The following GRM5 variants were observed in gnomAD, a reference collection of about 807,000 sequenced individuals.
GRM5 encodes the protein metabotropic glutamate receptor 5.
Under a neutral mutation model 83.1 loss-of-function variants are expected in GRM5, and 19 were observed. The ratio of observed to expected loss-of-function variants is 0.23; its 90% confidence interval spans 0.16 to 0.34. GRM5 has a LOEUF of 0.34. Among genes scored for constraint, GRM5 ranks in the 10% least tolerant of loss-of-function variants. The pLI is 1.00. For missense variants in GRM5, 1,160 were observed against 1,588.3 expected (o/e 0.73, Z 4.58); for synonymous variants, 675 against 633.6 (o/e 1.07, Z -0.98).
chr11:88,800,756 T>C (rs1943376162), intron 3 of GRM5, among the ~76,000 whole-genome samples: 1 of 152,116 alleles, frequency 6.6e-6, no homozygotes, highest in Admixed American at 6.6e-5. Context: ...CACCTTCAAT[T>C]GCCCTGAGCA....
intron 2 of GRM5, among the ~76,000 whole-genome samples, chr11:88,923,343 T>C (rs1945726194): frequency 6.6e-6 from 1 of 152,136 alleles, no homozygotes; most frequent in Non-Finnish European, 1.5e-5. Context: ...ATGTAGCGCA[T>C]ATACACAAGA....
At chr11:88,621,408 C>A (rs1465604691) in intron 4 of GRM5, among the ~76,000 whole-genome samples, 1 of 152,136 alleles carries the variant, frequency 6.6e-6, no homozygotes, top group Non-Finnish European at 1.5e-5. Flanking sequence ...GATAGCCTTT[C>A]CCAGGTAGAA....
At chr11:88,842,003 C>T (rs1944212290) in intron 3 of GRM5, among the ~76,000 whole-genome samples, 1 of 152,138 alleles carries the variant, frequency 6.6e-6, no homozygotes, top group Admixed American at 6.5e-5. Flanking sequence ...AGTAGTACAA[C>T]ATGTACTGCA....
intron 4 of GRM5, chr11:88,612,735 T>C (rs1217514960): frequency 1.3e-5 from 2 of 152,168 alleles, no homozygotes; most frequent in East Asian, 1.9e-4. Flanking sequence ...TGAGCATTTC[T>C]TCATGTGTTT....
chr11:89,023,584 G>A (rs1013269194), intron 2 of GRM5, among the ~76,000 whole-genome samples: 9 of 152,146 alleles, frequency 5.9e-5, no homozygotes, highest in Admixed American at 2.0e-4. Context: ...TGTGGCTCAC[G>A]CCTGTAATCC....
chr11:88,716,000 C>A (rs1941391649), intron 3 of GRM5, among the ~76,000 whole-genome samples: 1 of 151,922 alleles, frequency 6.6e-6, no homozygotes, highest in Non-Finnish European at 1.5e-5. Flanking sequence ...AGAATCCCTT[C>A]CAGCTTTTGA....
At chr11:88,760,116 A>G (rs1942480879) in intron 3 of GRM5, among the ~76,000 whole-genome samples, 1 of 152,188 alleles carries the variant, frequency 6.6e-6, no homozygotes, top group Non-Finnish European at 1.5e-5. Flanking sequence ...CACATCAAAA[A>G]GTTAGAAAGA....
chr11:88,916,001 A>C (rs1654854763), intron 2 of GRM5, among the ~76,000 whole-genome samples: 1 of 152,310 alleles, frequency 6.6e-6, no homozygotes. Flanking sequence ...GGTCACAATA[A>C]ATTTCTTATA....
chr11:88,586,888 G>GC (rs1244872756), intron 7 of GRM5, among the ~76,000 whole-genome samples: 2 of 152,056 alleles, frequency 1.3e-5, no homozygotes, highest in African/African-American at 4.8e-5. Context: ...ACCTCCACTG[G>GC]CCCCACACTG....
intron 2 of GRM5, among the ~76,000 whole-genome samples, chr11:88,949,089 T>C (rs943020903): frequency 2.0e-5 from 3 of 152,244 alleles, no homozygotes; most frequent in Non-Finnish European, 4.4e-5. Flanking sequence ...TTTCTGATTG[T>C]GCTCTGAAGC....
intron 3 of GRM5, among the ~76,000 whole-genome samples, chr11:88,669,909 G>A (rs1940148633): frequency 6.6e-6 from 1 of 151,866 alleles, no homozygotes; most frequent in Admixed American, 6.6e-5. Flanking sequence ...TCCTTGGTGG[G>A]GTTTAGGTGG....
At chr11:88,876,672 G>T (rs1379509284) in intron 2 of GRM5, among the ~76,000 whole-genome samples, 1 of 151,978 alleles carries the variant, frequency 6.6e-6, no homozygotes, top group Non-Finnish European at 1.5e-5. Context: ...CATTGTAGAT[G>T]ATTAATTGGC....
chr11:89,009,892 C>T (rs906357465), intron 2 of GRM5, among the ~76,000 whole-genome samples: 2 of 83,516 alleles, frequency 2.4e-5, no homozygotes, highest in Admixed American at 3.5e-4. Flanking sequence ...CAGAGCGAGA[C>T]TCCGTCTCAA....
In GRM5 at chr11:88,533,454, A is replaced by G. The variant is rs541422508; in HGVS notation, c.2631-8050T>C. On this transcript the variant is annotated intron_variant, in intron 8 of 9. Transcript: ENST00000305447. ...TATTTAAAAAGGCAACTACCACTCT[A>G]CTCTTTCTGTTACCATTTCCTGCTT... Among the ~76,000 whole-genome samples the G allele has an allele frequency of 4.0e-5, 6 of 151,780 alleles. No individual in the cohort carries two copies. The East Asian group carries it at 7.8e-4, about 20-fold the overall frequency.
At chr11:88,809,789 G>T (rs2135495951) in intron 3 of GRM5, among the ~76,000 whole-genome samples, 1 of 151,602 alleles carries the variant, frequency 6.6e-6, no homozygotes, top group South Asian at 2.1e-4. Context: ...AAGTTGAGGA[G>T]ATTCTTCAGG....
intron 3 of GRM5, among the ~76,000 whole-genome samples, chr11:88,775,669 C>A (rs1942831301): frequency 1.3e-5 from 2 of 152,154 alleles, no homozygotes; most frequent in South Asian, 4.1e-4. Context: ...CAAAGAACAT[C>A]TTTATTTTTG....
intron 3 of GRM5, among the ~76,000 whole-genome samples, chr11:88,671,548 A>G (rs1430346400): frequency 6.6e-6 from 1 of 152,076 alleles, no homozygotes; most frequent in Admixed American, 6.6e-5. Context: ...AGAAAGGATA[A>G]TGAATTGCAG....
chr11:88,820,766 G>C (rs762541270), intron 3 of GRM5, among the ~76,000 whole-genome samples: 2 of 152,162 alleles, frequency 1.3e-5, no homozygotes, highest in South Asian at 4.1e-4. Context: ...ACTTTCCTCT[G>C]TGAAACAGAA....
At chr11:89,062,554 T>C (rs1942016428) in intron 1 of GRM5, among the ~76,000 whole-genome samples, 1 of 152,208 alleles carries the variant, frequency 6.6e-6, no homozygotes, top group Admixed American at 6.5e-5. Context: ...CAATTTCTTA[T>C]TGAAAAAGTA....
Sources: gnomAD v4.1 joint callset for allele counts (sites outside exome capture counted in the v4.1 genomes callset) on GRCh38, gnomAD v4.1.1 for gene constraint, MANE v1.5 for transcripts, NCBI Gene and HGNC (gene_info 2026-07-23, HGNC 2026-07-21) for gene names.